PPP2R2D: variants seen among roughly 807,000 people sequenced by gnomAD.
The protein encoded by PPP2R2D is protein phosphatase 2 regulatory subunit Bdelta.
A neutral mutation model predicts 31.1 loss-of-function variants in PPP2R2D; 9 were observed. The observed-to-expected ratio is 0.29, with a 90% CI of 0.17 to 0.51. The LOEUF is 0.51. Among genes scored for constraint, PPP2R2D ranks in the 20% least tolerant of loss-of-function variants. The probability of loss-of-function intolerance (pLI) is 0.98; values close to 1 mark genes in which losing one functional copy is unlikely to be tolerated. For synonymous variants in PPP2R2D, 179 were observed against 172.6 expected (o/e 1.04, Z -0.29); for missense variants, 391 against 465.6 (o/e 0.84, Z 1.48).
chr10:131,961,606 G>T (rs2036920731), downstream of PPP2R2D, among the ~76,000 whole-genome samples: 1 of 152,208 alleles, frequency 6.6e-6, no homozygotes, highest in Admixed American at 6.5e-5. Context: ...GTGCGGGGCT[G>T]CCTACAGGAC....
At chr10:131,971,082 C>A in the PPP2R2D span, 1 of 980,224 alleles carries the variant, frequency 1.0e-6, no homozygotes, top group Non-Finnish European at 1.5e-6. Flanking sequence ...AGCCCAGAGG[C>A]ACATGTCAGT....
intron 2 of PPP2R2D, among the ~76,000 whole-genome samples, chr10:131,916,401 C>A (rs545305371): frequency 6.7e-6 from 1 of 149,414 alleles, no homozygotes; most frequent in Non-Finnish European, 1.5e-5. Context: ...TAATATTTAT[C>A]ATTTTAGCCG....
chr10:131,930,776 C>CG (rs1336619775), intron 2 of PPP2R2D, among the ~76,000 whole-genome samples: 1 of 152,204 alleles, frequency 6.6e-6, no homozygotes, highest in Admixed American at 6.5e-5. Context: ...AGCCTGGGAA[C>CG]GGGGCCTTGG....
intron 2 of PPP2R2D, among the ~76,000 whole-genome samples, chr10:131,904,312 C>A (rs1021768411): frequency 6.6e-6 from 1 of 151,794 alleles, no homozygotes; most frequent in Admixed American, 6.6e-5. Flanking sequence ...GAGATCGAGA[C>A]CATCCTGGCT....
intron 2 of PPP2R2D, among the ~76,000 whole-genome samples, chr10:131,931,368 G>C (rs1436898364): frequency 6.6e-6 from 1 of 152,144 alleles, no homozygotes; most frequent in Non-Finnish European, 1.5e-5. Flanking sequence ...TTTTTACTGA[G>C]ATGGAATCTT....
downstream of PPP2R2D, among the ~76,000 whole-genome samples, chr10:131,963,525 C>T (rs782791504): frequency 5.3e-5 from 8 of 152,350 alleles, no homozygotes; most frequent in Non-Finnish European, 7.3e-5. Flanking sequence ...TGCCGTGGGG[C>T]GCCTGGCTGT....
intron 2 of PPP2R2D, among the ~76,000 whole-genome samples, chr10:131,917,003 T>C (rs1320908135): frequency 8.0e-6 from 1 of 125,406 alleles, no homozygotes; most frequent in Non-Finnish European, 1.7e-5. Flanking sequence ...GTGGGTGGAA[T>C]GACACAGTGT....
At chr10:131,954,725 A>G (rs2036761496) in intron 8 of PPP2R2D, among the ~76,000 whole-genome samples, 1 of 151,910 alleles carries the variant, frequency 6.6e-6, no homozygotes. Context: ...TGGGCCATGG[A>G]AGGGAAGCGG....
At chr10:131,968,642 T>C in the PPP2R2D span, 37 of 1,373,288 alleles carry the variant, frequency 2.7e-5, no homozygotes, top group Non-Finnish European at 3.1e-5. Context: ...TGAAACAGGG[T>C]AGCTCACTGT....
At chr10:131,913,251 G>A (rs891276615) in intron 2 of PPP2R2D, among the ~76,000 whole-genome samples, 2 of 148,288 alleles carry the variant, frequency 1.3e-5, no homozygotes, top group African/African-American at 2.5e-5. Flanking sequence ...GGCTGGTCTC[G>A]AACTCCTGAG....
chr10:131,903,985 C>G (rs2119697481), intron 2 of PPP2R2D, among the ~76,000 whole-genome samples: 1 of 152,274 alleles, frequency 6.6e-6, no homozygotes, highest in Non-Finnish European at 1.5e-5. Flanking sequence ...GGGTGGATCA[C>G]TTGAGGTCAG....
chr10:131,934,371 C>T, intron 2 of PPP2R2D, 87 bp from the exon 3 acceptor site: 2 of 694,402 alleles, frequency 2.9e-6, no homozygotes, highest in South Asian at 1.6e-5. Flanking sequence ...TGTTTATCGT[C>T]CTTTTGCTCT....
At chr10:131,939,849 G>C (rs1403657062) in intron 3 of PPP2R2D, 182 bp from the exon 4 acceptor site, 4 of 377,780 alleles carry the variant, frequency 1.1e-5, no homozygotes, top group Non-Finnish European at 1.9e-5. Context: ...GAGTCGAAGA[G>C]TCGGAAATCA....
At chr10:131,922,460 T>G (rs1025479066) in intron 2 of PPP2R2D, among the ~76,000 whole-genome samples, 4 of 151,878 alleles carry the variant, frequency 2.6e-5, no homozygotes, top group Non-Finnish European at 2.9e-5. Flanking sequence ...AATTGTTTTT[T>G]TTTTTTTTTT....
intron 2 of PPP2R2D, among the ~76,000 whole-genome samples, chr10:131,903,514 G>A (rs1344939633): frequency 6.7e-6 from 1 of 148,628 alleles, no homozygotes; most frequent in Non-Finnish European, 1.5e-5. Context: ...TTTGTTCTCT[G>A]AATTAAACTG....
chr10:131,945,376 A>G lies in PPP2R2D; in HGVS notation c.737A>G (p.Asn246Ser), dbSNP rs2036517766. ...TAAEFHPHQC[N>S]VFVYSSSKGT... ...GCCGAGTTCCACCCGCACCAGTGCA[A>G]CGTGTTCGTCTACAGCAGTAGCAAA... The change falls in exon 7 of 9, where the codon AAC (asparagine) becomes AGC (serine). Residue 246 changes from asparagine to serine, a missense_variant. Coordinates refer to ENST00000455566, the MANE Select transcript of PPP2R2D (RefSeq NM_018461.5). The surrounding 1 kb of genome is among the most constrained non-coding windows in gnomAD (Gnocchi z 4.8). The G allele has an allele frequency of 6.2e-7, 1 of 1,614,194 alleles. No individual in the cohort carries two copies. The highest frequency in any genetic ancestry group is 8.5e-7 in the Non-Finnish European group (1 of 1,180,022).
At position 131,957,381 on chromosome 10, in the gene PPP2R2D, G is replaced by GC. The variant is rs1244408180; in HGVS notation, c.*1419dup. On this transcript the variant is annotated 3_prime_UTR_variant, in exon 9 of 9. Coordinates refer to ENST00000455566, the MANE Select transcript of PPP2R2D (RefSeq NM_018461.5). ...GTGCCCTGTGGAGATGGAGGTGTGT[G>GC]CTGCTCCCTCGTGCCCCTGTGGAGA... 1 of 211,740 alleles carries GC rather than the reference G, an allele frequency of 4.7e-6. No individual in the cohort carries two copies. The highest frequency in any genetic ancestry group is 2.4e-5 in the African/African-American group (1 of 41,864). 13.1% of individuals were successfully genotyped at this position (211,740 alleles called of 1,614,324 possible).
At chr10:131,925,518 T>C (rs782595845) in intron 2 of PPP2R2D, among the ~76,000 whole-genome samples, 2 of 152,234 alleles carry the variant, frequency 1.3e-5, no homozygotes, top group African/African-American at 2.4e-5. Flanking sequence ...TTCAAAAATA[T>C]TGTTTGTTCC....
chr10:131,964,391 C>G (rs903252318), downstream of PPP2R2D, among the ~76,000 whole-genome samples: 14 of 151,800 alleles, frequency 9.2e-5, no homozygotes, highest in Admixed American at 7.2e-4. Context: ...CAGGGCTGGC[C>G]GTGCACACAG....
Sources: gnomAD v4.1 joint callset for allele counts (sites outside exome capture counted in the v4.1 genomes callset) on GRCh38, gnomAD v4.1.1 for gene constraint, Gnocchi (gnomAD v3.1) non-coding constraint, MANE v1.5 for transcripts, NCBI Gene and HGNC (gene_info 2026-07-23, HGNC 2026-07-21) for gene names.